The following DTNA variants were observed in gnomAD, a reference collection of about 807,000 sequenced individuals.
DTNA encodes the protein dystrophin-related protein 3.
Under a neutral mutation model 100.7 loss-of-function variants are expected in DTNA, and 43 were observed. The observed-to-expected ratio is 0.43, with a 90% CI of 0.33 to 0.55. The LOEUF is 0.55. Ranked by LOEUF, DTNA falls within the 20% of genes least tolerant of loss-of-function variation. The pLI is 0.04. For missense variants in DTNA, 798 were observed against 953.9 expected (o/e 0.84, Z 2.15); for synonymous variants, 349 against 347.9 (o/e 1.00, Z -0.04).
intron 1 of DTNA, among the ~76,000 whole-genome samples, chr18:34,646,839 C>A (rs143997874): frequency 6.6e-6 from 1 of 152,064 alleles, no homozygotes; most frequent in South Asian, 2.1e-4. Flanking sequence ...CCTCAGCCTC[C>A]TGAGTCACTG....
intron 1 of DTNA, among the ~76,000 whole-genome samples, chr18:34,723,653 A>G (rs2085892917): frequency 6.6e-6 from 1 of 152,096 alleles, no homozygotes; most frequent in Admixed American, 6.5e-5. Flanking sequence ...AATCCTAGCA[A>G]TTTGGGAGGC....
intron 13 of DTNA, among the ~76,000 whole-genome samples, chr18:34,843,082 A>G (rs552757198): frequency 7.2e-5 from 11 of 152,322 alleles, no homozygotes; most frequent in Admixed American, 4.6e-4. Flanking sequence ...AAAAAATTCC[A>G]TCTTCCCCTA....
intron 6 of DTNA, among the ~76,000 whole-genome samples, chr18:34,812,887 C>T (rs111353549): frequency 1.3e-5 from 2 of 152,286 alleles, no homozygotes; most frequent in African/African-American, 4.8e-5. Flanking sequence ...AGAAAGGAAT[C>T]CCAACATCTG....
chr18:34,559,222 C>G (rs975707133), intron 1 of DTNA, among the ~76,000 whole-genome samples: 2 of 152,112 alleles, frequency 1.3e-5, no homozygotes, highest in Admixed American at 1.3e-4. Context: ...AGAAATAGTT[C>G]TAAAAGGAAA....
At chr18:34,637,045 A>G (rs1166600064) in intron 1 of DTNA, among the ~76,000 whole-genome samples, 1 of 152,206 alleles carries the variant, frequency 6.6e-6, no homozygotes, top group Non-Finnish European at 1.5e-5. Context: ...CAGTTGCTTA[A>G]TACCCTCCAA....
At chr18:34,539,163 G>C (rs1248792716) in intron 1 of DTNA, among the ~76,000 whole-genome samples, 1 of 151,836 alleles carries the variant, frequency 6.6e-6, no homozygotes, top group African/African-American at 2.4e-5. Context: ...GAGTAAGACA[G>C]CACACTGATC....
At chr18:34,794,293 T>C (rs2094875009) in intron 4 of DTNA, 43 bp downstream of exon 4, 1 of 1,609,784 alleles carries the variant, frequency 6.2e-7, no homozygotes. Flanking sequence ...CATGTTTGGC[T>C]TTCACTTCCT....
At chr18:34,816,616 A>C (rs2095603510) in intron 7 of DTNA, among the ~76,000 whole-genome samples, 1 of 152,192 alleles carries the variant, frequency 6.6e-6, no homozygotes, top group Non-Finnish European at 1.5e-5. Flanking sequence ...AATTTACAGA[A>C]AATTAAACAT....
intron 13 of DTNA, among the ~76,000 whole-genome samples, chr18:34,841,586 T>C (rs1036464176): frequency 5.9e-5 from 9 of 152,184 alleles, no homozygotes; most frequent in Non-Finnish European, 1.3e-4. Flanking sequence ...ACAAAGCCTT[T>C]TTCCACACAT....
intron 1 of DTNA, among the ~76,000 whole-genome samples, chr18:34,681,541 G>A (rs2078105202): frequency 6.6e-6 from 1 of 152,066 alleles, no homozygotes; most frequent in African/African-American, 2.4e-5. Context: ...TGGCTTATGT[G>A]ACAATTAACT....
chr18:34,837,631 T>G (rs1159451151), intron 11 of DTNA, among the ~76,000 whole-genome samples: 1 of 152,168 alleles, frequency 6.6e-6, no homozygotes, highest in Admixed American at 6.5e-5. Context: ...TTGCTTGGAG[T>G]AGTAAAACAC....
intron 1 of DTNA, among the ~76,000 whole-genome samples, chr18:34,545,808 TTTTC>T (rs1725071186): frequency 6.6e-6 from 1 of 152,008 alleles, no homozygotes; most frequent in African/African-American, 2.4e-5. Context: ...GTCCATTTCT[TTTTC>T]TTTTTCAGGT....
At chr18:34,572,640 C>T (rs2047701891) in intron 1 of DTNA, among the ~76,000 whole-genome samples, 2 of 152,226 alleles carry the variant, frequency 1.3e-5, no homozygotes, top group South Asian at 4.1e-4. Context: ...CCCAGCCTTC[C>T]CATCAGGTTC....
intron 21 of DTNA, among the ~76,000 whole-genome samples, chr18:34,883,790 T>TA (rs1415843854): frequency 3.9e-5 from 6 of 152,184 alleles, no homozygotes; most frequent in African/African-American, 1.4e-4. Flanking sequence ...CCCAGCAATA[T>TA]AAAAACAAAG....
Position 34,794,108 on chromosome 18 carries a change from A to G in DTNA, c.220A>G (p.Thr74Ala), listed in dbSNP as rs1568544447. ...ENALNNLDPN[T>A]ELNVSRLEAV... ...TGCTCTGAACAACCTGGACCCAAAC[A>G]CTGAACTCAACGTGTCCCGCTTAGA... is the stretch of plus-strand genomic sequence containing the variant. The change falls in exon 4 of 23, where the codon ACT becomes GCT. Residue 74 changes from threonine (T) to alanine (A), a missense_variant. Around this residue, in one of 6 missense-constraint regions of DTNA, gnomAD observed 197 missense variants for 215.4 expected, o/e 0.91. Coordinates refer to ENST00000444659, the MANE Select transcript of DTNA (RefSeq NM_001386795.1). 3 of 1,614,122 alleles carry G rather than the reference A, an allele frequency of 1.9e-6. No individual in the cohort carries two copies. The highest frequency in any genetic ancestry group is 2.7e-5 in the African/African-American group (2 of 75,040).
At chr18:34,658,699 A>C (rs2074742943) in intron 1 of DTNA, among the ~76,000 whole-genome samples, 1 of 152,180 alleles carries the variant, frequency 6.6e-6, no homozygotes, top group African/African-American at 2.4e-5. Flanking sequence ...AATATGTTAT[A>C]ATACTGTCTT....
At chr18:34,520,692 C>G (rs2042073373) in intron 1 of DTNA, among the ~76,000 whole-genome samples, 1 of 151,998 alleles carries the variant, frequency 6.6e-6, no homozygotes, top group South Asian at 2.1e-4. Context: ...AAAGTTCTTT[C>G]CAGGTGAGGC....
chr18:34,527,273 CA>C (rs756220039), intron 1 of DTNA, among the ~76,000 whole-genome samples: 5 of 152,072 alleles, frequency 3.3e-5, no homozygotes, highest in Non-Finnish European at 5.9e-5. Flanking sequence ...GTAATTTAGT[CA>C]AATCCTTTTA....
chr18:34,838,609 A>T lies in DTNA; in HGVS notation c.1254-136A>T. 5 of 737,480 alleles carry T rather than the reference A, an allele frequency of 6.8e-6. No homozygotes were observed. The East Asian group carries it at 1.0e-4, about 15-fold the overall frequency. The allele number at this position is 737,480 out of a possible 1,614,324, so 45.7% of individuals were successfully genotyped here. A position where few individuals can be genotyped will look rare whatever the true frequency, so the allele number is the denominator to read the frequency against. ...GGATTTCACTTGTGTTTTTCATAGC[A>T]CATCACTTACTACCCTTCCTTTACC... is the stretch of plus-strand genomic sequence containing the variant. On this transcript the variant is annotated intron_variant, in intron 12 of 22. Coordinates refer to ENST00000444659, the MANE Select transcript of DTNA (RefSeq NM_001386795.1).
Sources: gnomAD v4.1 joint callset for allele counts (sites outside exome capture counted in the v4.1 genomes callset) on GRCh38, gnomAD v4.1.1 for gene constraint, gnomAD v4.1.1 regional missense constraint, MANE v1.5 for transcripts, NCBI Gene and HGNC (gene_info 2026-07-23, HGNC 2026-07-21) for gene names.